Variants in THSD4 observed in about 807,000 individuals in gnomAD.
THSD4 encodes thrombospondin type 1 domain containing 4, also known as thrombospondin type-1 domain-containing protein 4.
Under a neutral mutation model 119.0 loss-of-function variants are expected in THSD4, and 69 were observed. That is an observed-to-expected ratio of 0.58 (90% CI 0.48 to 0.71). The LOEUF (loss-of-function observed/expected upper bound fraction) is 0.71. Among genes scored for constraint, THSD4 ranks in the 30% least tolerant of loss-of-function variants. The pLI is 0.00. For missense variants in THSD4, 1,393 were observed against 1,391.1 expected (o/e 1.00, Z -0.02); for synonymous variants, 524 against 540.4 (o/e 0.97, Z 0.42).
chr15:71,464,961 G>A (rs867803096), intron 7 of THSD4, among the ~76,000 whole-genome samples: 9 of 151,864 alleles, frequency 5.9e-5, no homozygotes, highest in East Asian at 1.9e-4. Flanking sequence ...ATATTCCCCC[G>A]TGAGTAAGTA....
At position 71,747,146 on chromosome 15, in the gene THSD4, G is replaced by A. The variant is rs1052449998; in HGVS notation, c.2241+104G>A. ...GAGATGGGTAACCCTGAGTTCCACAGGAGGGAACCCGTCCCGTGGGGGTCT... is the reference window on the plus strand; with the variant it reads ...GAGATGGGTAACCCTGAGTTCCACAAGAGGGAACCCGTCCCGTGGGGGTCT... On this transcript the variant is annotated intron_variant, in intron 13 of 17. Coordinates refer to ENST00000261862, the MANE Select transcript of THSD4 (RefSeq NM_024817.3). 7 of 1,338,536 alleles carry A rather than the reference G, an allele frequency of 5.2e-6. No homozygotes were observed. In the African/African-American group the frequency reaches 8.7e-5, roughly 17 times the overall value. 82.9% of individuals were successfully genotyped at this position (1,338,536 alleles called of 1,614,324 possible).
chr15:71,520,849 C>T (rs1030541374), intron 7 of THSD4, among the ~76,000 whole-genome samples: 6 of 152,166 alleles, frequency 3.9e-5, no homozygotes, highest in Admixed American at 1.3e-4. Flanking sequence ...AGGTTATAGC[C>T]TCACTCTGCT....
intron 4 of THSD4, among the ~76,000 whole-genome samples, chr15:71,221,646 G>T (rs1052649515): frequency 2.6e-5 from 4 of 152,120 alleles, no homozygotes; most frequent in Non-Finnish European, 5.9e-5. Context: ...TCCATTGCAT[G>T]TATAGACCAC....
At chr15:71,728,349 G>A (rs958654776) in intron 8 of THSD4, among the ~76,000 whole-genome samples, 200 bp from the exon 9 acceptor site, 2 of 152,126 alleles carry the variant, frequency 1.3e-5, no homozygotes, top group Admixed American at 1.3e-4. Flanking sequence ...AGGGATTAGG[G>A]TGGGTTGAAG....
chr15:71,415,374 GTTTA>G (rs1489538501), intron 7 of THSD4, among the ~76,000 whole-genome samples: 1 of 152,252 alleles, frequency 6.6e-6, no homozygotes, highest in South Asian at 2.1e-4. Flanking sequence ...CTCCTCTGTG[GTTTA>G]TTTATTTTTT....
intron 6 of THSD4, among the ~76,000 whole-genome samples, chr15:71,343,715 A>T (rs201884540): frequency 5.2e-5 from 7 of 134,806 alleles, no homozygotes; most frequent in African/African-American, 1.4e-4. Context: ...TCATCTCAGG[A>T]TTTTTTTTTT....
At chr15:71,556,905 T>C (rs1010727596) in intron 7 of THSD4, among the ~76,000 whole-genome samples, 3 of 152,216 alleles carry the variant, frequency 2.0e-5, no homozygotes, top group Non-Finnish European at 2.9e-5. Flanking sequence ...ATTTTGGCTT[T>C]TTTCCTTTTC....
intron 1 of THSD4, among the ~76,000 whole-genome samples, chr15:71,134,103 A>G (rs1250540027): frequency 1.3e-5 from 2 of 152,214 alleles, no homozygotes; most frequent in African/African-American, 4.8e-5. Context: ...TGGGGGTTCC[A>G]TGGGAAGAAA....
intron 7 of THSD4, among the ~76,000 whole-genome samples, chr15:71,479,403 A>T (rs1179813307): frequency 2.6e-5 from 4 of 152,044 alleles, no homozygotes; most frequent in Admixed American, 1.3e-4. Context: ...TAGTGAAATT[A>T]CTTTTACTAG....
intron 6 of THSD4, among the ~76,000 whole-genome samples, chr15:71,331,234 G>T (rs1056114246): frequency 1.3e-5 from 2 of 152,154 alleles, no homozygotes; most frequent in Non-Finnish European, 1.5e-5. Context: ...GCCCTTCCTC[G>T]TACTTCTTCT....
intron 6 of THSD4, among the ~76,000 whole-genome samples, chr15:71,300,961 T>G (rs1014112306): frequency 6.6e-6 from 1 of 152,226 alleles, no homozygotes; most frequent in African/African-American, 2.4e-5. Context: ...GATAATTTTC[T>G]TTTAGGACAC....
At chr15:71,555,924 A>T (rs2049008942) in intron 7 of THSD4, among the ~76,000 whole-genome samples, 2 of 152,132 alleles carry the variant, frequency 1.3e-5, no homozygotes, top group African/African-American at 2.4e-5. Context: ...CCTTTCAACA[A>T]ATTTCCAGGG....
chr15:71,563,667 T>C (rs1207760524), intron 7 of THSD4, among the ~76,000 whole-genome samples: 2 of 152,220 alleles, frequency 1.3e-5, no homozygotes, highest in South Asian at 4.1e-4. Flanking sequence ...AATAACCTGA[T>C]TGTAAATACT....
intron 1 of THSD4, among the ~76,000 whole-genome samples, chr15:71,105,699 T>G (rs1481370812): frequency 2.0e-5 from 3 of 152,176 alleles, no homozygotes; most frequent in African/African-American, 7.2e-5. Context: ...ACTATCCTAT[T>G]TTCTTTTCCT....
At chr15:71,213,784 A>G (rs957888543) in intron 3 of THSD4, among the ~76,000 whole-genome samples, 2 of 152,202 alleles carry the variant, frequency 1.3e-5, no homozygotes, top group African/African-American at 4.8e-5. Context: ...GGCAGCAGGG[A>G]CATTATTATC....
At chr15:71,307,933 C>T (rs60692562) in intron 6 of THSD4, among the ~76,000 whole-genome samples, 21,612 of 152,190 alleles carry the variant, frequency 0.14, 1,535 homozygotes, top group Middle Eastern at 0.19. Context: ...CAGGGATGTG[C>T]TTAATTCTCC....
At chr15:71,638,617 G>A (rs2050796322) in intron 7 of THSD4, among the ~76,000 whole-genome samples, 1 of 152,132 alleles carries the variant, frequency 6.6e-6, no homozygotes, top group Admixed American at 6.5e-5. Flanking sequence ...TTTGAATGAA[G>A]ACATATCAGT....
At chr15:71,675,405 G>A (rs1033216946) in intron 8 of THSD4, among the ~76,000 whole-genome samples, 3 of 152,140 alleles carry the variant, frequency 2.0e-5, no homozygotes, top group Non-Finnish European at 2.9e-5. Flanking sequence ...CGGTGAGGCC[G>A]TGCAATCCTT....
chr15:71,480,762 G>A (rs753280349), intron 7 of THSD4, among the ~76,000 whole-genome samples: 2 of 152,338 alleles, frequency 1.3e-5, no homozygotes, highest in South Asian at 2.1e-4. Flanking sequence ...ATTGGCCAAA[G>A]TAAGTCACGT....
Sources: gnomAD v4.1 joint callset for allele counts (sites outside exome capture counted in the v4.1 genomes callset) on GRCh38, gnomAD v4.1.1 for gene constraint, MANE v1.5 for transcripts, NCBI Gene and HGNC (gene_info 2026-07-23, HGNC 2026-07-21) for gene names.